Variants in DMD observed in about 807,000 individuals in gnomAD.
DMD encodes the protein mutant dystrophin.
DMD carries 63 observed loss-of-function variants against 330.1 expected under a neutral mutation model. The observed-to-expected ratio is 0.19, with a 90% CI of 0.16 to 0.24. The LOEUF is 0.24. DMD is among the 10% of genes least tolerant of loss of function. DMD has a pLI of 1.00. For synonymous variants in DMD, 1,223 were observed against 959.8 expected (o/e 1.27, Z -5.07); for missense variants, 3,344 against 2,684.1 (o/e 1.25, Z -5.43).
chrX:33,152,116 G>A (rs1162527971), intron 1 of DMD, among the ~76,000 whole-genome samples: 1 of 108,292 alleles, frequency 9.2e-6, no homozygotes, highest in Admixed American at 1.0e-4. Flanking sequence ...ATTAGTAGGT[G>A]TTCTTAAACA....
chrX:33,059,695 T>C (rs1362928795), intron 1 of DMD, among the ~76,000 whole-genome samples: 1 of 111,741 alleles, frequency 8.9e-6, no homozygotes, highest in South Asian at 3.7e-4. Flanking sequence ...CCTTTATCAA[T>C]TCACAAATAA....
intron 1 of DMD, among the ~76,000 whole-genome samples, chrX:33,124,487 A>AAAAAAAAAAC (rs1569555857): frequency 4.1e-5 from 4 of 98,245 alleles, no homozygotes; most frequent in African/African-American, 1.7e-4. Context: ...AAAAAAAAAA[A>AAAAAAAAAAC]AAAAAAAAAA....
intron 52 of DMD, among the ~76,000 whole-genome samples, chrX:31,687,865 T>G (rs5971590): frequency 1.0e-3 from 115 of 111,769 alleles, no homozygotes; most frequent in African/African-American, 3.7e-3. Context: ...CTTGAGGTAG[T>G]CTCTGAGATA....
chrX:32,727,639 G>A (rs962343247), intron 7 of DMD, among the ~76,000 whole-genome samples: 26 of 110,489 alleles, frequency 2.4e-4, no homozygotes, highest in Middle Eastern at 4.7e-3. Context: ...TCCTAATTTA[G>A]GATACATGTT....
intron 52 of DMD, among the ~76,000 whole-genome samples, chrX:31,725,883 G>T (rs2086001757): frequency 8.9e-6 from 1 of 112,389 alleles, no homozygotes; most frequent in African/African-American, 3.2e-5. Context: ...TCACTGCTAT[G>T]CAAGGTATTA....
intron 7 of DMD, among the ~76,000 whole-genome samples, chrX:32,776,960 T>C (rs750444490): frequency 1.8e-5 from 2 of 110,986 alleles, no homozygotes; most frequent in Admixed American, 1.9e-4. Context: ...GAAAACATAC[T>C]GCATTCTATG....
Position 31,944,759 on chromosome X carries a change from C to T in DMD, c.6615-12532G>A, listed in dbSNP as rs182953199. ...TCTTGACCTCGTGATCCGCCCGCCT[C>T]GGCCTCCCAGAGTGCTGGGATTACA... is the stretch of plus-strand genomic sequence containing the variant. On this transcript the variant is annotated intron_variant, in intron 45 of 78. Transcript: ENST00000357033. Among the ~76,000 whole-genome samples the T allele has an allele frequency of 3.1e-3, 336 of 107,901 alleles. 3 individuals carry two copies. Among genetic ancestry groups the T allele is most frequent in the African/African-American group, 0.011 (319 of 29,611 alleles). The allele number at this position is 107,901 out of a possible 115,157, so 93.7% of individuals were successfully genotyped here. A position where few individuals can be genotyped will look rare whatever the true frequency, so the allele number is the denominator to read the frequency against.
intron 74 of DMD, among the ~76,000 whole-genome samples, chrX:31,160,845 C>T (rs193089217): frequency 0.011 from 1,177 of 111,558 alleles, 20 homozygotes; most frequent in African/African-American, 0.036. Context: ...TTATCAAAGG[C>T]CATGAGAAAC....
chrX:32,663,017 G>A (rs1052824168), intron 9 of DMD, among the ~76,000 whole-genome samples: 1 of 111,678 alleles, frequency 9.0e-6, no homozygotes, highest in Non-Finnish European at 1.9e-5. Context: ...GATATCACCT[G>A]CCATTGAGTA....
At chrX:31,853,967 G>A (rs2093573085) in intron 48 of DMD, among the ~76,000 whole-genome samples, 1 of 111,795 alleles carries the variant, frequency 8.9e-6, no homozygotes, top group Non-Finnish European at 1.9e-5. Context: ...GATGTCATGA[G>A]AGAGTGGACA....
At chrX:31,675,852 G>A (rs1219203569) in intron 53 of DMD, among the ~76,000 whole-genome samples, 1 of 112,476 alleles carries the variant, frequency 8.9e-6, no homozygotes, top group East Asian at 2.8e-4. Context: ...TTTACATTAT[G>A]TAGACAATTA....
chrX:32,315,717 C>T (rs990744449), intron 41 of DMD, among the ~76,000 whole-genome samples: 1 of 111,136 alleles, frequency 9.0e-6, no homozygotes, highest in African/African-American at 3.3e-5. Context: ...CTTCTCTCCA[C>T]CTGACCCCAT....
chrX:32,540,532 G>A (rs1288749068), intron 17 of DMD, among the ~76,000 whole-genome samples: 5 of 111,228 alleles, frequency 4.5e-5, no homozygotes, highest in Admixed American at 9.6e-5. Flanking sequence ...ACAATTCCAG[G>A]AAGAGCTAGG....
At chrX:32,482,650 C>T (rs1189499615) in intron 21 of DMD, among the ~76,000 whole-genome samples, 1 of 111,420 alleles carries the variant, frequency 9.0e-6, no homozygotes, top group Non-Finnish European at 1.9e-5. Context: ...ATCCCATATC[C>T]ATGCTTTTAG....
chrX:32,644,124 G>A lies in DMD; in HGVS notation c.1331+8C>T. Reference sequence around the variant, plus strand: ...AGTCTTCTTAATTAAAAACAAATAAGGACTTACTTGCTTTGTTTTTCCATG... The same window carrying A: ...AGTCTTCTTAATTAAAAACAAATAAAGACTTACTTGCTTTGTTTTTCCATG... On this transcript the variant is annotated splice_region_variant and intron_variant, in intron 11 of 78. Transcript: ENST00000357033. The A allele has an allele frequency of 8.4e-7, 1 of 1,195,370 alleles. No individual in the cohort carries two copies. Among genetic ancestry groups the A allele is most frequent in the Non-Finnish European group, 1.1e-6 (1 of 883,425 alleles).
chrX:32,231,650 A>G (rs1378348059), intron 43 of DMD, among the ~76,000 whole-genome samples: 1 of 111,592 alleles, frequency 9.0e-6, no homozygotes, highest in South Asian at 3.7e-4. Context: ...TCTTACTACT[A>G]TTCTACTTTC....
chrX:31,302,144 T>C (rs2054694846), intron 62 of DMD, among the ~76,000 whole-genome samples: 1 of 111,472 alleles, frequency 9.0e-6, no homozygotes, highest in African/African-American at 3.3e-5. Context: ...CAGATTAAGA[T>C]AAATTACCAT....
intron 2 of DMD, among the ~76,000 whole-genome samples, chrX:32,897,026 C>T (rs2085783303): frequency 8.9e-6 from 1 of 111,766 alleles, no homozygotes; most frequent in South Asian, 3.7e-4. Context: ...TTAACATGGG[C>T]CTTCAAGCAC....
At chrX:32,160,174 T>C (rs1306579183) in intron 44 of DMD, among the ~76,000 whole-genome samples, 1 of 110,909 alleles carries the variant, frequency 9.0e-6, no homozygotes, top group African/African-American at 3.3e-5. Context: ...CTATTCAGTA[T>C]TCATTCAATG....
Sources: gnomAD v4.1 joint callset for allele counts (sites outside exome capture counted in the v4.1 genomes callset) on GRCh38, gnomAD v4.1.1 for gene constraint, MANE v1.5 for transcripts, NCBI Gene and HGNC (gene_info 2026-07-23, HGNC 2026-07-21) for gene names.